Variants in TAF4 observed in about 807,000 individuals in gnomAD.
TAF4 encodes TATA-box binding protein associated factor 4, also known as transcription initiation factor TFIID subunit 4.
Under a neutral mutation model 90.3 loss-of-function variants are expected in TAF4, and 9 were observed. The observed-to-expected ratio is 0.10, with a 90% CI of 0.06 to 0.17. TAF4 has a LOEUF of 0.17. TAF4 is among the 10% of genes least tolerant of loss of function. The pLI is 1.00. For missense variants in TAF4, 1,351 were observed against 1,370.7 expected (o/e 0.99, Z 0.23); for synonymous variants, 818 against 638.9 (o/e 1.28, Z -4.23).
intron 14 of TAF4, among the ~76,000 whole-genome samples, chr20:61,995,056 A>T (rs1263684998): frequency 2.6e-5 from 4 of 152,220 alleles, no homozygotes; most frequent in Non-Finnish European, 5.9e-5. Context: ...TACTGACAAA[A>T]TGAAAAACAA....
rs556826379 is a variant in TAF4 at position 61,975,210 on chromosome 20, G to A, written c.*958C>T. The A allele has an allele frequency of 4.6e-5, 7 of 151,902 alleles. No individual in the cohort carries two copies. In the South Asian group the frequency reaches 6.3e-4, roughly 14 times the overall value. The allele number at this position is 151,902 out of a possible 1,614,324, so 9.4% of individuals were successfully genotyped here. Reference sequence around the variant, plus strand: ...CTTTGCTCTGGACGTCTGTAAAGTCGGCCCAAGGCTTGCATACAGTCTCTT... The same window carrying A: ...CTTTGCTCTGGACGTCTGTAAAGTCAGCCCAAGGCTTGCATACAGTCTCTT... On this transcript the variant is annotated 3_prime_UTR_variant, in exon 15 of 15. Coordinates refer to ENST00000252996, the MANE Select transcript of TAF4 (RefSeq NM_003185.4).
intron 1 of TAF4, among the ~76,000 whole-genome samples, chr20:62,062,087 T>C (rs902059377): frequency 2.6e-5 from 4 of 152,232 alleles, no homozygotes; most frequent in Admixed American, 1.3e-4. Flanking sequence ...GACACCCACA[T>C]GCAGCTTTGA....
intron 1 of TAF4, among the ~76,000 whole-genome samples, chr20:62,055,962 C>A (rs572875813): frequency 6.6e-6 from 1 of 152,190 alleles, no homozygotes; most frequent in African/African-American, 2.4e-5. Flanking sequence ...GCAGGCCAGG[C>A]GCAGTGGCTC....
Position 62,006,962 on chromosome 20 carries a change from T to G in TAF4, c.1975-204A>C. On this transcript the variant is annotated intron_variant, in intron 6 of 14. Coordinates refer to ENST00000252996, the MANE Select transcript of TAF4 (RefSeq NM_003185.4). The surrounding 1 kb of genome is among the most constrained non-coding windows in gnomAD (Gnocchi z 7.0). Reference sequence around the variant, plus strand: ...AAGTGGGATTATTCCTGATAGCAAATGTCCAAAATGTGTTCAAGAAAACAA... The same window carrying G: ...AAGTGGGATTATTCCTGATAGCAAAGGTCCAAAATGTGTTCAAGAAAACAA... The G allele has an allele frequency of 1.8e-6, 1 of 559,860 alleles. No homozygotes were observed. The highest frequency in any genetic ancestry group is 3.5e-5 in the East Asian group (1 of 28,746). The allele number at this position is 559,860 out of a possible 1,614,324, so 34.7% of individuals were successfully genotyped here.
chr20:61,981,840 A>G (rs977036028), intron 14 of TAF4, among the ~76,000 whole-genome samples: 1 of 131,886 alleles, frequency 7.6e-6, no homozygotes, highest in African/African-American at 3.0e-5. Context: ...GAGAGGAGAC[A>G]TCAAACCCAC....
At chr20:62,052,984 C>A (rs79155263) in intron 1 of TAF4, among the ~76,000 whole-genome samples, 4 of 152,104 alleles carry the variant, frequency 2.6e-5, no homozygotes, top group African/African-American at 9.7e-5. Context: ...CGCCACCCCC[C>A]ACAACACCAG....
chr20:62,018,122 T>A (rs1282369136), intron 1 of TAF4, among the ~76,000 whole-genome samples: 3 of 152,202 alleles, frequency 2.0e-5, no homozygotes, highest in Non-Finnish European at 4.4e-5. Flanking sequence ...ATTGAAAATA[T>A]CTGTGAACCA....
At chr20:62,048,816 AC>A (rs2056009555) in intron 1 of TAF4, among the ~76,000 whole-genome samples, 1 of 70,928 alleles carries the variant, frequency 1.4e-5, no homozygotes, top group Non-Finnish European at 2.8e-5. Context: ...AGCTCCGTAC[AC>A]CCCAAGCTCC....
At chr20:62,025,685 G>A (rs1282359333) in intron 1 of TAF4, among the ~76,000 whole-genome samples, 2 of 152,224 alleles carry the variant, frequency 1.3e-5, no homozygotes. Flanking sequence ...ATGTGGAACT[G>A]TGAGTCAATT....
At chr20:62,021,920 G>A (rs1400782494) in intron 1 of TAF4, among the ~76,000 whole-genome samples, 1 of 152,146 alleles carries the variant, frequency 6.6e-6, no homozygotes, top group Non-Finnish European at 1.5e-5. Flanking sequence ...CTGTGAGTGA[G>A]TGCATCCCTG....
At chr20:62,026,514 G>A (rs563661259) in intron 1 of TAF4, among the ~76,000 whole-genome samples, 1 of 152,282 alleles carries the variant, frequency 6.6e-6, no homozygotes, top group Admixed American at 6.5e-5. Flanking sequence ...TGACGCAGAA[G>A]GAACCGTGGT....
chr20:62,015,639 C>T (rs1056259774), intron 1 of TAF4, among the ~76,000 whole-genome samples: 1 of 152,238 alleles, frequency 6.6e-6, no homozygotes. Flanking sequence ...AGCCACGGGG[C>T]ACAGGGGGCG....
chr20:62,052,692 G>A (rs2056036232), intron 1 of TAF4, among the ~76,000 whole-genome samples: 3 of 148,326 alleles, frequency 2.0e-5, no homozygotes, highest in South Asian at 2.1e-4. Flanking sequence ...GCAGGCTCAC[G>A]CTCCAGGTGC....
intron 1 of TAF4, among the ~76,000 whole-genome samples, chr20:62,040,262 G>A (rs2055956273): frequency 6.6e-6 from 1 of 152,336 alleles, no homozygotes; most frequent in South Asian, 2.1e-4. Flanking sequence ...CGGTCCAGCC[G>A]CACACCAGGA....
intron 1 of TAF4, among the ~76,000 whole-genome samples, chr20:62,018,768 A>G (rs1285998538): frequency 6.6e-6 from 1 of 152,258 alleles, no homozygotes; most frequent in East Asian, 1.9e-4. Context: ...CGAGTCAGGG[A>G]GGAAGCAGTC....
Position 62,065,368 on chromosome 20 carries a change from G to A in TAF4, c.443C>T (p.Ala148Val). ...APVPAAAAVAAGPEPAPAGPA... is the reference protein window; with the variant it reads ...APVPAAAAVAVGPEPAPAGPA... Reference sequence around the variant, plus strand: ...GCCGGCGGGGGCGGGCTCGGGCCCCGCGGCGACGGCGGCGGCGGCGGGCAC... The same window carrying A: ...GCCGGCGGGGGCGGGCTCGGGCCCCACGGCGACGGCGGCGGCGGCGGGCAC... The change falls in exon 1 of 15, where the codon GCG becomes GTG. Residue 148 changes from alanine to valine, a missense_variant. By Grantham distance (64) the Ala-to-Val change is moderately conservative. Coordinates refer to ENST00000252996, the MANE Select transcript of TAF4 (RefSeq NM_003185.4). 1 of 969,572 alleles carries A rather than the reference G, an allele frequency of 1.0e-6. No individual in the cohort carries two copies. The allele number at this position is 969,572 out of a possible 1,614,324, so 60.1% of individuals were successfully genotyped here.
intron 1 of TAF4, among the ~76,000 whole-genome samples, chr20:62,025,886 G>A (rs1234118868): frequency 1.3e-5 from 2 of 152,198 alleles, no homozygotes; most frequent in African/African-American, 2.4e-5. Flanking sequence ...GGCAGAGGCC[G>A]TGCTGGGGGT....
At chr20:61,985,714 AGATCCTGAGGC>A (rs1167897847) in intron 14 of TAF4, among the ~76,000 whole-genome samples, 41 of 151,356 alleles carry the variant, frequency 2.7e-4, no homozygotes, top group African/African-American at 9.5e-4. Context: ...ACGTCAGACT[AGATCCTGAGGC>A]CTGAGGAGAA....
chr20:61,998,126 C>G lies in TAF4; in HGVS notation c.2970+10G>C. On this transcript the variant is annotated intron_variant, in intron 13 of 14. Transcript: ENST00000252996. ...AGTGCCCACGAGCACTCACGACTAACAGGGCTCACCTCCTTTGCCTTCTGT... is the reference window on the plus strand; with the variant it reads ...AGTGCCCACGAGCACTCACGACTAAGAGGGCTCACCTCCTTTGCCTTCTGT... 6.2e-7 allele frequency: 1 copy of G among 1,613,876 alleles called. No homozygotes were observed. The highest frequency in any genetic ancestry group is 8.5e-7 in the Non-Finnish European group (1 of 1,179,956).
Sources: allele counts gnomAD v4.1 joint callset (sites outside exome capture counted in the v4.1 genomes callset), GRCh38; gene constraint gnomAD v4.1.1; non-coding constraint Gnocchi (gnomAD v3.1); transcripts MANE v1.5; gene names NCBI Gene and HGNC (gene_info 2026-07-23, HGNC 2026-07-21).